FMN2: variants seen among roughly 807,000 people sequenced by gnomAD.
The protein encoded by FMN2 is formin-2.
FMN2 carries 51 observed loss-of-function variants against 142.3 expected under a neutral mutation model. The ratio of observed to expected loss-of-function variants is 0.36; its 90% CI spans 0.29 to 0.45. The LOEUF is 0.45. FMN2 is among the 20% of genes least tolerant of loss of function. The pLI is 1.00. For missense variants in FMN2, 1,936 were observed against 2,122.8 expected (o/e 0.91, Z 1.73); for synonymous variants, 882 against 869.8 (o/e 1.01, Z -0.25).
chr1:240,175,330 G>A (rs1664872547), intron 2 of FMN2, among the ~76,000 whole-genome samples: 2 of 152,146 alleles, frequency 1.3e-5, no homozygotes, highest in African/African-American at 2.4e-5. Flanking sequence ...TTTTAATTCT[G>A]TGGCATATAT....
chr1:240,226,425 C>T lies in FMN2; in HGVS notation c.4065+15190C>T, dbSNP rs1160686983. On this transcript the variant is annotated intron_variant, in intron 6 of 17. Transcript: ENST00000319653. ...GCGAAATGTTCAACCAGTCATCTTA[C>T]ATCCAGTGAGAGTTTTTCTAAAATG... Among the ~76,000 whole-genome samples, 7 of 152,320 alleles carry T rather than the reference C, an allele frequency of 4.6e-5. No homozygotes were observed. The South Asian group carries it at 1.0e-3, about 23-fold the overall frequency.
chr1:240,261,855 A>G (rs1668645058), intron 7 of FMN2, among the ~76,000 whole-genome samples: 1 of 152,316 alleles, frequency 6.6e-6, no homozygotes, highest in African/African-American at 2.4e-5. Context: ...GCCTACAGTT[A>G]TAATACCTCT....
In FMN2 at chr1:240,294,803, T is replaced by C. The variant is rs1199442785; in HGVS notation, c.4154-19T>C. ...ACAGGTGGCTTATGGCAATTTATATTCTTCTTTTTTTTCCACAGCTGTTGT... is the reference window on the plus strand; with the variant it reads ...ACAGGTGGCTTATGGCAATTTATATCCTTCTTTTTTTTCCACAGCTGTTGT... On this transcript the variant is annotated intron_variant, in intron 7 of 17. Transcript: ENST00000319653. 6.2e-7 allele frequency: 1 copy of C among 1,613,486 alleles called. No homozygotes were observed. The highest frequency in any genetic ancestry group is 8.5e-7 in the Non-Finnish European group (1 of 1,179,500).
chr1:240,092,502 GGA>G lies in FMN2; in HGVS notation c.394_395del (p.Asp132TyrfsTer8), dbSNP rs1661018051. On this transcript the variant is annotated frameshift_variant, in exon 1 of 18. Coordinates refer to ENST00000319653, the MANE Select transcript of FMN2 (RefSeq NM_020066.5). LOFTEE classifies it high-confidence loss of function. ...TCTCGGCGGACGAGGCCGGCCTGTC[GGA>G]TACCGAGTGTGCGGACCCTTTTGAG... Reference protein sequence around the residue: ...SLSADEAGLSDTECADPFEVT... With the variant: ...SLSADEAGLSXTECADPFEVT... 1 of 1,607,096 alleles carries G rather than the reference GGA, an allele frequency of 6.2e-7. No individual in the cohort carries two copies. Among genetic ancestry groups the G allele is most frequent in the African/African-American group, 1.3e-5 (1 of 74,772 alleles).
chr1:240,474,006 C>T lies in FMN2; in HGVS notation c.5143-122C>T, dbSNP rs993188983. 9 of 833,384 alleles carry T rather than the reference C, an allele frequency of 1.1e-5. No individual in the cohort carries two copies. The African/African-American group carries it at 1.6e-4, about 15-fold the overall frequency. The allele number at this position is 833,384 out of a possible 1,614,324, so 51.6% of individuals were successfully genotyped here. A position where few individuals can be genotyped will look rare whatever the true frequency, so the allele number is the denominator to read the frequency against. ...TTTTTTCCTTTATGGACTGGTAGACCTTTAACCTTGTCCCACAGAATTTGA... is the reference window on the plus strand; with the variant it reads ...TTTTTTCCTTTATGGACTGGTAGACTTTTAACCTTGTCCCACAGAATTTGA... On this transcript the variant is annotated intron_variant, in intron 17 of 17. Transcript: ENST00000319653.
chr1:240,283,062 A>C (rs1669455603), intron 7 of FMN2, among the ~76,000 whole-genome samples: 1 of 152,132 alleles, frequency 6.6e-6, no homozygotes, highest in Non-Finnish European at 1.5e-5. Flanking sequence ...GCACCTCCCG[A>C]AGGTTTCTAT....
chr1:240,297,891 T>C lies in FMN2; in HGVS notation c.4215+3008T>C, dbSNP rs1670046789. On this transcript the variant is annotated intron_variant, in intron 8 of 17. Transcript: ENST00000319653. ...ATCTGGTGAGGGCCCTCTTCCAGGT[T>C]CACAGACTGCGGTGTTCTTGCTGTA... 1.3e-5 allele frequency among the ~76,000 whole-genome samples: 2 copies of C among 152,262 alleles called. 1 individual carries two copies. Among genetic ancestry groups the C allele is most frequent in the South Asian group, 4.1e-4 (2 of 4,824 alleles).
intron 6 of FMN2, among the ~76,000 whole-genome samples, chr1:240,223,914 A>G (rs1227442989): frequency 6.6e-6 from 1 of 151,730 alleles, no homozygotes; most frequent in South Asian, 2.1e-4. Flanking sequence ...TATTTTGTTA[A>G]TCTTTTAAAA....
intron 7 of FMN2, among the ~76,000 whole-genome samples, chr1:240,273,050 A>G (rs1669076816): frequency 6.6e-6 from 1 of 152,162 alleles, no homozygotes; most frequent in African/African-American, 2.4e-5. Context: ...TTTAGCCACT[A>G]GAGCATAATA....
At chr1:240,468,762 C>T (rs922585737) in intron 16 of FMN2, among the ~76,000 whole-genome samples, 2 of 152,058 alleles carry the variant, frequency 1.3e-5, no homozygotes, top group African/African-American at 4.8e-5. Context: ...AACAGTTACT[C>T]AATAGACTCA....
At position 240,445,133 on chromosome 1, in the gene FMN2, C is replaced by T. The variant is rs79405778; in HGVS notation, c.5060+6923C>T. Among the ~76,000 whole-genome samples the T allele has an allele frequency of 3.0e-3, 456 of 152,152 alleles. 7 individuals carry two copies. In the East Asian group the frequency reaches 0.049, roughly 16 times the overall value. On this transcript the variant is annotated intron_variant, in intron 16 of 17. Transcript: ENST00000319653. Reference sequence around the variant, plus strand: ...AGTCAAAATAGTGGCCAATGGAGGCCGAGGGTGTGAGAAGATTTAGCTGTA... The same window carrying T: ...AGTCAAAATAGTGGCCAATGGAGGCTGAGGGTGTGAGAAGATTTAGCTGTA...
chr1:240,292,987 G>A lies in FMN2; in HGVS notation c.4154-1835G>A, dbSNP rs114780438. On this transcript the variant is annotated intron_variant, in intron 7 of 17. Transcript: ENST00000319653. ...AACAGTAACAGTGCTGCTTTCCAGT[G>A]AGATTTTCTGTGGATGAGTAAAAAA... Among the ~76,000 whole-genome samples the A allele has an allele frequency of 9.1e-3, 1,380 of 152,270 alleles. 21 individuals are homozygous for A. The highest frequency in any genetic ancestry group is 0.032 in the African/African-American group (1,325 of 41,566).
intron 6 of FMN2, among the ~76,000 whole-genome samples, chr1:240,219,379 C>T (rs1667020560): frequency 1.3e-5 from 2 of 152,058 alleles, no homozygotes; most frequent in South Asian, 2.1e-4. Flanking sequence ...GTCATTTGAC[C>T]TACATAGTCA....
chr1:240,142,888 C>T (rs1456465439), intron 2 of FMN2: 3 of 1,604,130 alleles, frequency 1.9e-6, no homozygotes, highest in Non-Finnish European at 2.6e-6. Flanking sequence ...GGCCTCAGCT[C>T]CTCATCAAAC....
chr1:240,168,154 G>A (rs1040498535), intron 2 of FMN2, among the ~76,000 whole-genome samples: 2 of 152,156 alleles, frequency 1.3e-5, no homozygotes, highest in Non-Finnish European at 2.9e-5. Flanking sequence ...CAATTCTATA[G>A]GGTTGTGCTA....
chr1:240,456,384 C>T (rs1260584714), intron 16 of FMN2, among the ~76,000 whole-genome samples: 1 of 152,178 alleles, frequency 6.6e-6, no homozygotes, highest in African/African-American at 2.4e-5. Context: ...TGATTCCATG[C>T]TATGTCAGAC....
chr1:240,097,912 G>A (rs1021215707), intron 1 of FMN2, among the ~76,000 whole-genome samples: 4 of 151,988 alleles, frequency 2.6e-5, no homozygotes, highest in Non-Finnish European at 5.9e-5. Flanking sequence ...TTGTCTAAGG[G>A]CATTAAGCTA....
At chr1:240,277,099 T>G (rs554339228) in intron 7 of FMN2, among the ~76,000 whole-genome samples, 1 of 152,252 alleles carries the variant, frequency 6.6e-6, no homozygotes, top group African/African-American at 2.4e-5. Flanking sequence ...TTTCCTAACA[T>G]TCATGTAAAG....
chr1:240,401,634 T>C lies in FMN2; in HGVS notation c.4910+9072T>C, dbSNP rs564578214. 5.3e-5 allele frequency among the ~76,000 whole-genome samples: 8 copies of C among 152,190 alleles called. No individual in the cohort carries two copies. In the South Asian group the frequency reaches 1.7e-3, roughly 32 times the overall value. ...CTTGATTTTTAAAAATGGTTGAGAGTTATTTACAGATAATTGTGATAGCTG... is the reference window on the plus strand; with the variant it reads ...CTTGATTTTTAAAAATGGTTGAGAGCTATTTACAGATAATTGTGATAGCTG... On this transcript the variant is annotated intron_variant, in intron 15 of 17. Transcript: ENST00000319653.
Sources: gnomAD v4.1 joint callset for allele counts (sites outside exome capture counted in the v4.1 genomes callset) on GRCh38, gnomAD v4.1.1 for gene constraint, MANE v1.5 for transcripts, NCBI Gene and HGNC (gene_info 2026-07-23, HGNC 2026-07-21) for gene names.